CDHR3: variants seen among roughly 807,000 people sequenced by gnomAD.
CDHR3 encodes the protein cadherin related family member 3.
In CDHR3, 79 loss-of-function variants were observed where a neutral mutation model predicts 86.6. That is an observed-to-expected ratio of 0.91 (90% CI 0.76 to 1.10). The LOEUF is 1.10. Ranked by LOEUF, CDHR3 falls within the 50% of genes least tolerant of loss-of-function variation. The pLI, the probability that CDHR3 is intolerant of heterozygous loss-of-function variation, is 0.00. For missense variants in CDHR3, 1,081 were observed against 1,077.6 expected (o/e 1.00, Z -0.04); for synonymous variants, 421 against 402.4 (o/e 1.05, Z -0.55).
chr7:105,994,699 G>T, intron 4 of CDHR3, 52 bp from the exon 5 acceptor site: 1 of 1,208,152 alleles, frequency 8.3e-7, no homozygotes, highest in African/African-American at 1.5e-5. Context: ...ATCTTCTGGG[G>T]AAGGGTGGGC....
chr7:106,015,293 T>A, intron 10 of CDHR3, 80 bp downstream of exon 10: 2 of 1,257,750 alleles, frequency 1.6e-6, no homozygotes, highest in South Asian at 2.6e-5. Context: ...TACTAGGTAT[T>A]GTGCTAGGTC....
At chr7:105,964,795 C>T (rs1826604843) in intron 1 of CDHR3, among the ~76,000 whole-genome samples, 1 of 152,104 alleles carries the variant, frequency 6.6e-6, no homozygotes, top group Non-Finnish European at 1.5e-5. Flanking sequence ...AACTGGGTTT[C>T]CTAATATTGA....
intron 2 of CDHR3, among the ~76,000 whole-genome samples, chr7:105,979,253 T>C (rs1331259321): frequency 1.3e-5 from 2 of 152,208 alleles, no homozygotes; most frequent in African/African-American, 4.8e-5. Context: ...CTCCAGCATC[T>C]GTGTGTTTGA....
Position 106,020,478 on chromosome 7 carries a change from A to C in CDHR3, c.1759A>C (p.Asn587His), listed in dbSNP as rs1413135381. The C allele has an allele frequency of 2.5e-6, 4 of 1,614,020 alleles. No homozygotes were observed. The highest frequency in any genetic ancestry group is 2.5e-6 in the Non-Finnish European group (3 of 1,179,906). ...TCTGAAAGTTGGCACAAATATTCAG[A>C]ATTTCAAGCTGACATGTACCGACCT... ...VDLKVGTNIQ[N>H]FKLTCTDLDS... The change falls in exon 13 of 19, where the codon AAT becomes CAT. Residue 587 changes from asparagine (N) to histidine (H), a missense_variant. Coordinates refer to ENST00000317716, the MANE Select transcript of CDHR3 (RefSeq NM_152750.5).
chr7:105,966,069 T>C (rs1302426815), intron 1 of CDHR3, among the ~76,000 whole-genome samples: 1 of 152,126 alleles, frequency 6.6e-6, no homozygotes, highest in Non-Finnish European at 1.5e-5. Context: ...AGGGAGGCTC[T>C]ACAAGAATAT....
rs992457301 is a variant in CDHR3, at chr7:106,036,339, C to G, written c.*3642C>G. 16 of 152,180 alleles carry G rather than the reference C, an allele frequency of 1.1e-4. No individual in the cohort carries two copies. The highest frequency in any genetic ancestry group is 3.9e-4 in the African/African-American group (16 of 41,450). The allele number at this position is 152,180 out of a possible 1,614,324, so 9.4% of individuals were successfully genotyped here. On this transcript the variant is annotated 3_prime_UTR_variant, in exon 19 of 19. Coordinates refer to ENST00000317716, the MANE Select transcript of CDHR3 (RefSeq NM_152750.5). ...CTACAAAATGAGTGAACATTGAAGACAATGATTGCTATTGAAACTTAGGAT... is the reference window on the plus strand; with the variant it reads ...CTACAAAATGAGTGAACATTGAAGAGAATGATTGCTATTGAAACTTAGGAT...
In CDHR3 at chr7:106,030,842, TA is replaced by T; in HGVS notation, c.2353+4del. 1 of 1,609,740 alleles carries T rather than the reference TA, an allele frequency of 6.2e-7. No individual in the cohort carries two copies. Among genetic ancestry groups the T allele is most frequent in the South Asian group, 1.1e-5 (1 of 89,890 alleles). Reference sequence around the variant, plus strand: ...TTGATGGAGAAGCCATAGATCCAGGTAATTAAGTGGCAATACCACTGTAAGA... The same window carrying T: ...TTGATGGAGAAGCCATAGATCCAGGTATTAAGTGGCAATACCACTGTAAGA... On this transcript the variant is annotated splice_donor_region_variant and intron_variant, in intron 18 of 18. Transcript: ENST00000317716. This position sits in a 1 kb window ranked among gnomAD's most constrained non-coding sequence, Gnocchi z 4.8.
chr7:106,024,892 G>A (rs992292992), intron 15 of CDHR3, among the ~76,000 whole-genome samples: 2 of 152,186 alleles, frequency 1.3e-5, no homozygotes, highest in Non-Finnish European at 2.9e-5. Context: ...TGTAAATAGC[G>A]ATAGAATATG....
intron 12 of CDHR3, among the ~76,000 whole-genome samples, chr7:106,019,320 TA>T (rs778841541): frequency 7.9e-5 from 12 of 152,096 alleles, no homozygotes; most frequent in Non-Finnish European, 1.3e-4. Context: ...ATGATGTTTT[TA>T]ATGATGTGCA....
At chr7:105,999,576 C>A (rs181623818) in intron 6 of CDHR3, among the ~76,000 whole-genome samples, 61 of 152,260 alleles carry the variant, frequency 4.0e-4, no homozygotes, top group African/African-American at 1.4e-3. Context: ...GTTCAGACAC[C>A]ACCCCCGGCC....
At chr7:105,987,884 G>A (rs1202311677) in intron 4 of CDHR3, among the ~76,000 whole-genome samples, 1 of 152,150 alleles carries the variant, frequency 6.6e-6, no homozygotes, top group Admixed American at 6.5e-5. Context: ...CGAAAAGGCT[G>A]GGAACACTGG....
At chr7:105,993,396 G>T (rs182365997) in intron 4 of CDHR3, among the ~76,000 whole-genome samples, 1 of 152,052 alleles carries the variant, frequency 6.6e-6, no homozygotes, top group Non-Finnish European at 1.5e-5. Flanking sequence ...TAAGCTAGAC[G>T]CAGTGGCTCA....
At chr7:106,005,911 G>A (rs941987534) in intron 8 of CDHR3, among the ~76,000 whole-genome samples, 3 of 152,172 alleles carry the variant, frequency 2.0e-5, no homozygotes, top group Admixed American at 6.5e-5. Context: ...CCAAGACGCT[G>A]ACCTGGATGG....
At position 106,034,741 on chromosome 7, in the gene CDHR3, A is replaced by T. The variant is rs1292132871; in HGVS notation, c.*2044A>T. 2.0e-5 allele frequency among the ~76,000 whole-genome samples: 3 copies of T among 152,202 alleles called. No individual in the cohort carries two copies. Among genetic ancestry groups the T allele is most frequent in the African/African-American group, 7.2e-5 (3 of 41,438 alleles). On this transcript the variant is annotated 3_prime_UTR_variant, in exon 19 of 19. Coordinates refer to ENST00000317716, the MANE Select transcript of CDHR3 (RefSeq NM_152750.5). ...AATGCAAGTAAAATGAGGTTCTGAG[A>T]AGGCTGAAGGGGGACTTAATAACTG...
At chr7:106,029,576 C>CTG (rs1838024282) in intron 17 of CDHR3, among the ~76,000 whole-genome samples, 2 of 151,750 alleles carry the variant, frequency 1.3e-5, no homozygotes, top group Non-Finnish European at 2.9e-5. Context: ...CTCTCTCTCT[C>CTG]TCTTTGACAG....
rs1300988712 is a variant in CDHR3, at chr7:106,034,284, C to G, written c.*1587C>G. Among the ~76,000 whole-genome samples the G allele has an allele frequency of 6.6e-6, 1 of 152,230 alleles. No homozygotes were observed. Among genetic ancestry groups the G allele is most frequent in the African/African-American group, 2.4e-5 (1 of 41,462 alleles). On this transcript the variant is annotated 3_prime_UTR_variant, in exon 19 of 19. Coordinates refer to ENST00000317716, the MANE Select transcript of CDHR3 (RefSeq NM_152750.5). ...TCGAGCTCTATGCCCTGCTGCCCAGCTGCTGCGACCCTAGTCCAGTAACCC... is the reference window on the plus strand; with the variant it reads ...TCGAGCTCTATGCCCTGCTGCCCAGGTGCTGCGACCCTAGTCCAGTAACCC...
intron 7 of CDHR3, among the ~76,000 whole-genome samples, chr7:106,003,141 A>G (rs1041579567): frequency 1.3e-5 from 2 of 151,874 alleles, no homozygotes; most frequent in African/African-American, 4.8e-5. Context: ...CTCAAAAAAA[A>G]AAAAAAAAAA....
intron 4 of CDHR3, among the ~76,000 whole-genome samples, chr7:105,992,341 T>C (rs1326767061): frequency 3.9e-5 from 6 of 152,226 alleles, no homozygotes; most frequent in Non-Finnish European, 7.3e-5. Flanking sequence ...CTTAAGGTGC[T>C]GATTTATGGA....
chr7:105,996,110 C>T (rs1832158782), intron 5 of CDHR3, 140 bp from the exon 6 acceptor site: 1 of 577,524 alleles, frequency 1.7e-6, no homozygotes, highest in Admixed American at 2.7e-5. Flanking sequence ...GGCCCTGAGA[C>T]TGTGGGGGCA....
Sources: allele counts gnomAD v4.1 joint callset (sites outside exome capture counted in the v4.1 genomes callset), GRCh38; gene constraint gnomAD v4.1.1; non-coding constraint Gnocchi (gnomAD v3.1); transcripts MANE v1.5; gene names NCBI Gene and HGNC (gene_info 2026-07-23, HGNC 2026-07-21).